Variants in TMEM108 observed in about 807,000 individuals in gnomAD.
TMEM108 encodes the protein transmembrane protein 108.
In TMEM108, 12 loss-of-function variants were observed where a neutral mutation model predicts 35.1. That is an observed-to-expected ratio of 0.34 (90% CI 0.22 to 0.55). The LOEUF is 0.55. TMEM108 is among the 20% of genes least tolerant of loss of function. The pLI is 0.89. For missense variants in TMEM108, 680 were observed against 753.3 expected, an observed-to-expected ratio of 0.90 and a Z score of 1.14; for synonymous variants, 287 against 308.6, an observed-to-expected ratio of 0.93 and a Z score of 0.73.
intron 3 of TMEM108, among the ~76,000 whole-genome samples, chr3:133,337,854 G>A (rs991784786): frequency 1.3e-5 from 2 of 152,110 alleles, no homozygotes; most frequent in Non-Finnish European, 2.9e-5. Flanking sequence ...TCAACAAACA[G>A]ATTGAAATAA....
At chr3:133,211,449 C>T (rs1281990985) in intron 2 of TMEM108, among the ~76,000 whole-genome samples, 2 of 152,158 alleles carry the variant, frequency 1.3e-5, no homozygotes, top group African/African-American at 4.8e-5. Flanking sequence ...GCAGTGCAGT[C>T]AAAATGATAG....
chr3:133,309,387 T>G (rs968028253), intron 3 of TMEM108, among the ~76,000 whole-genome samples: 1 of 152,164 alleles, frequency 6.6e-6, no homozygotes, highest in African/African-American at 2.4e-5. Flanking sequence ...TCTTAGTTAT[T>G]TCTCACCTTC....
At chr3:133,261,684 G>A (rs751783681) in intron 3 of TMEM108, among the ~76,000 whole-genome samples, 24 of 152,156 alleles carry the variant, frequency 1.6e-4, no homozygotes, top group Non-Finnish European at 3.2e-4. Context: ...TCCAATAAAC[G>A]TTGATGGAGG....
chr3:133,329,814 T>C (rs2071373538), intron 3 of TMEM108, among the ~76,000 whole-genome samples: 1 of 152,208 alleles, frequency 6.6e-6, no homozygotes, highest in Non-Finnish European at 1.5e-5. Context: ...GAACACTTAA[T>C]TGCTGAGTAA....
intron 3 of TMEM108, among the ~76,000 whole-genome samples, chr3:133,339,662 C>T (rs938172275): frequency 3.3e-5 from 5 of 151,852 alleles, no homozygotes; most frequent in African/African-American, 1.2e-4. Flanking sequence ...TTCCTTTCCT[C>T]AACATATGGA....
chr3:133,303,266 T>C (rs1947256638), intron 3 of TMEM108: 1 of 152,186 alleles, frequency 6.6e-6, no homozygotes, highest in Admixed American at 6.5e-5. Flanking sequence ...AGTATGTACA[T>C]GTTACACAGC....
intron 2 of TMEM108, among the ~76,000 whole-genome samples, chr3:133,140,063 C>T (rs1030485913): frequency 6.6e-6 from 1 of 152,170 alleles, no homozygotes; most frequent in South Asian, 2.1e-4. Context: ...TTTATAAATC[C>T]TTTTCAATTT....
chr3:133,384,156 T>C (rs995350034), intron 4 of TMEM108, among the ~76,000 whole-genome samples: 6 of 152,214 alleles, frequency 3.9e-5, no homozygotes, highest in Non-Finnish European at 7.3e-5. Flanking sequence ...CTCAGTGGCT[T>C]CATTTATCTT....
At chr3:133,076,437 C>G (rs1943743972) in intron 2 of TMEM108, among the ~76,000 whole-genome samples, 1 of 152,054 alleles carries the variant, frequency 6.6e-6, no homozygotes. Context: ...TCTCAAAGCC[C>G]AAGTCGCTTA....
Position 133,300,986 on chromosome 3 carries a change from A to G in TMEM108, c.40+71635A>G, listed in dbSNP as rs1354897994. Among the ~76,000 whole-genome samples the G allele has an allele frequency of 7.0e-3, 21 of 3,020 alleles. 2 individuals are homozygous for G. Among genetic ancestry groups the G allele is most frequent in the African/African-American group, 8.1e-3 (21 of 2,584 alleles). The allele number at this position is 3,020 out of a possible 152,430, so 2.0% of individuals were successfully genotyped here. On this transcript the variant is annotated intron_variant, in intron 3 of 5. Transcript: ENST00000321871. The stretch of plus-strand genomic sequence containing the variant: ...AATACAGACCCCAGTACACACACAC[A>G]CACACACACACACACACACACACAC...
chr3:133,126,416 G>A (rs548907540), intron 2 of TMEM108, among the ~76,000 whole-genome samples: 7 of 151,470 alleles, frequency 4.6e-5, no homozygotes, highest in South Asian at 2.1e-4. Context: ...GCAGTAAGCC[G>A]AGATAGCGCC....
intron 2 of TMEM108, among the ~76,000 whole-genome samples, chr3:133,181,008 T>TAAAAAAAAAAAGAAAAAA (rs1945330266): frequency 1.3e-5 from 1 of 75,866 alleles, no homozygotes; most frequent in Non-Finnish European, 2.5e-5. Context: ...GCAGTTGTGT[T>TAAAAAAAAAAAGAAAAAA]AAAAAAAAAA....
At chr3:133,044,769 C>A (rs1943314610) in intron 1 of TMEM108, among the ~76,000 whole-genome samples, 1 of 152,112 alleles carries the variant, frequency 6.6e-6, no homozygotes, top group Admixed American at 6.5e-5. Flanking sequence ...CCCTGGATAA[C>A]ATAGTGAGAC....
chr3:133,378,231 G>T (rs6780144), intron 3 of TMEM108: 186 of 583,530 alleles, frequency 3.2e-4, no homozygotes, highest in Non-Finnish European at 3.8e-4. Context: ...TAGAAGTGCA[G>T]GGTGAGGACA....
At chr3:133,092,495 A>T (rs964981574) in intron 2 of TMEM108, among the ~76,000 whole-genome samples, 1 of 152,102 alleles carries the variant, frequency 6.6e-6, no homozygotes, top group Non-Finnish European at 1.5e-5. Context: ...AATTTTTTTT[A>T]TTCCTTGTAA....
intron 3 of TMEM108, among the ~76,000 whole-genome samples, chr3:133,332,007 T>C (rs2071399360): frequency 6.6e-6 from 1 of 152,208 alleles, no homozygotes. Flanking sequence ...CACATTCTTG[T>C]GCTTTTTATG....
intron 2 of TMEM108, among the ~76,000 whole-genome samples, chr3:133,111,498 T>G (rs1944223471): frequency 6.6e-6 from 1 of 152,150 alleles, no homozygotes; most frequent in South Asian, 2.1e-4. Context: ...TATATATATA[T>G]CTGTATGGAG....
chr3:133,111,514 T>A (rs987213791), intron 2 of TMEM108, among the ~76,000 whole-genome samples: 1 of 152,158 alleles, frequency 6.6e-6, no homozygotes, highest in Non-Finnish European at 1.5e-5. Context: ...TGGAGGCCCA[T>A]TTTCCAACAG....
At chr3:133,113,649 A>G (rs1424770443) in intron 2 of TMEM108, among the ~76,000 whole-genome samples, 1 of 152,206 alleles carries the variant, frequency 6.6e-6, no homozygotes, top group African/African-American at 2.4e-5. Context: ...GGCCTTGTCA[A>G]GATGACATGT....
Sources: gnomAD v4.1 joint callset for allele counts (sites outside exome capture counted in the v4.1 genomes callset) on GRCh38, gnomAD v4.1.1 for gene constraint, MANE v1.5 for transcripts, NCBI Gene and HGNC (gene_info 2026-07-23, HGNC 2026-07-21) for gene names.